DYNC2I1: variants seen among roughly 807,000 people sequenced by gnomAD.
DYNC2I1 encodes dynein 2 intermediate chain 1.
Under a neutral mutation model 133.4 loss-of-function variants are expected in DYNC2I1, and 89 were observed. The ratio of observed to expected loss-of-function variants is 0.67; its 90% confidence interval spans 0.56 to 0.80. The LOEUF (loss-of-function observed/expected upper bound fraction) is 0.80, where lower values mean the gene tolerates loss of function less well. Ranked by LOEUF, DYNC2I1 falls within the 30% of genes least tolerant of loss-of-function variation. The pLI, the probability that DYNC2I1 is intolerant of heterozygous loss-of-function variation, is 0.00. For missense variants in DYNC2I1, 1,291 were observed against 1,314.5 expected (o/e 0.98, Z 0.28); for synonymous variants, 504 against 484.3 (o/e 1.04, Z -0.54).
At chr7:158,899,210 G>A (rs1015469060) in intron 8 of DYNC2I1, among the ~76,000 whole-genome samples, 5 of 152,026 alleles carry the variant, frequency 3.3e-5, no homozygotes, top group African/African-American at 9.7e-5. Flanking sequence ...TTGTTATACT[G>A]TATTTTAAAA....
At chr7:158,861,454 C>G (rs1453156736) in intron 1 of DYNC2I1, among the ~76,000 whole-genome samples, 1 of 152,194 alleles carries the variant, frequency 6.6e-6, no homozygotes, top group South Asian at 2.1e-4. Context: ...TGTTTCCCGT[C>G]CCGCCTGCAG....
chr7:158,860,135 A>G (rs1234287578), intron 1 of DYNC2I1, among the ~76,000 whole-genome samples: 2 of 150,282 alleles, frequency 1.3e-5, no homozygotes, highest in Non-Finnish European at 3.0e-5. Flanking sequence ...AGCTCACTCC[A>G]TTCTCTGCCT....
At chr7:158,856,469 GGCC>G, upstream of DYNC2I1, 1 of 378,732 alleles carries the variant, frequency 2.6e-6, no homozygotes, top group Non-Finnish European at 4.7e-6. Context: ...CATTGGGAGG[GGCC>G]GCGGGCACGC....
rs369170471 is a variant in DYNC2I1, at chr7:158,871,232, G to T, written c.160G>T (p.Glu54Ter). ...ESEMDLPEHK[E>*]PRCRDPDQDA... Reference sequence around the variant, plus strand: ...TGAGATGGACCTTCCTGAACATAAGGAGCCGAGGTGCAGGGATCCCGACCA... The same window carrying T: ...TGAGATGGACCTTCCTGAACATAAGTAGCCGAGGTGCAGGGATCCCGACCA... The change falls in exon 3 of 25, where the codon GAG (glutamate) becomes TAG (stop). Residue 54 changes from glutamate (E) to a stop codon, truncating the protein, a stop_gained. Transcript: ENST00000407559. LOFTEE classifies it high-confidence loss of function. 9.3e-6 allele frequency: 15 copies of T among 1,613,116 alleles called. No homozygotes were observed. The highest frequency in any genetic ancestry group is 1.3e-5 in the Non-Finnish European group (15 of 1,179,510).
At chr7:158,900,665 T>G (rs1270863073) in intron 8 of DYNC2I1, among the ~76,000 whole-genome samples, 1 of 151,964 alleles carries the variant, frequency 6.6e-6, no homozygotes, top group African/African-American at 2.4e-5. Flanking sequence ...TCTCTTCTTC[T>G]GCCATCCCCA....
downstream of DYNC2I1, among the ~76,000 whole-genome samples, chr7:158,948,443 C>T (rs1851954713): frequency 1.3e-5 from 2 of 152,220 alleles, no homozygotes; most frequent in South Asian, 2.1e-4. Context: ...TAAATTAAAA[C>T]GTTCGTTACC....
chr7:158,891,293 G>A lies in DYNC2I1; in HGVS notation c.1019G>A (p.Trp340Ter). The A allele has an allele frequency of 1.2e-6, 2 of 1,614,046 alleles. No homozygotes were observed. The change falls in exon 8 of 25, where the codon TGG becomes TAG. Residue 340 changes from tryptophan (W) to a stop codon, truncating the protein, a stop_gained. Coordinates refer to ENST00000407559, the MANE Select transcript of DYNC2I1 (RefSeq NM_018051.5). LOFTEE classifies it high-confidence loss of function. ...KHGHEEGSSV[W>*]WKLDQRPGGE... is the part of the protein sequence containing the mutation. The stretch of plus-strand genomic sequence containing the variant: ...GGCCACGAGGAAGGCTCTTCTGTGT[G>A]GTGGAAGCTGGACCAGAGGCCGGGA...
Position 158,945,856 on chromosome 7 carries a change from G to A in DYNC2I1, c.*77G>A. On this transcript the variant is annotated 3_prime_UTR_variant, in exon 25 of 25. Transcript: ENST00000407559. The surrounding 1 kb of genome is among the most constrained non-coding windows in gnomAD (Gnocchi z 4.1). ...ATAAGGTGGATAATTCTACATTTGT[G>A]TGCAAGTATATTTATGTATATAGAC... 7.3e-7 allele frequency: 1 copy of A among 1,368,374 alleles called. No homozygotes were observed. The allele number at this position is 1,368,374 out of a possible 1,614,324, so 84.8% of individuals were successfully genotyped here.
At chr7:158,947,736 T>C (rs1851932160), downstream of DYNC2I1, among the ~76,000 whole-genome samples, 1 of 152,208 alleles carries the variant, frequency 6.6e-6, no homozygotes, top group African/African-American at 2.4e-5. Flanking sequence ...CTGAAGCCCT[T>C]GCTCATGCTC....
At chr7:158,920,446 A>G (rs545054745) in intron 15 of DYNC2I1, among the ~76,000 whole-genome samples, 1 of 151,700 alleles carries the variant, frequency 6.6e-6, no homozygotes, top group East Asian at 1.9e-4. Flanking sequence ...GAACACGTGA[A>G]GTATGTGTGC....
intron 8 of DYNC2I1, among the ~76,000 whole-genome samples, chr7:158,901,372 C>T (rs1459565162): frequency 1.3e-5 from 2 of 152,330 alleles, no homozygotes; most frequent in South Asian, 2.1e-4. Context: ...GTGCTCACTA[C>T]AGCTACACTG....
At chr7:158,852,085 C>T (rs980870388), upstream of DYNC2I1, among the ~76,000 whole-genome samples, 1 of 152,012 alleles carries the variant, frequency 6.6e-6, no homozygotes, top group Admixed American at 6.6e-5. Context: ...CCTCTAGGGC[C>T]AGGGACCATA....
At chr7:158,916,557 G>A (rs1359220340) in intron 14 of DYNC2I1, among the ~76,000 whole-genome samples, 1 of 39,462 alleles carries the variant, frequency 2.5e-5, no homozygotes, top group Non-Finnish European at 5.6e-5. Context: ...GTGAAACGTC[G>A]ACACGCTGGT....
intron 23 of DYNC2I1, among the ~76,000 whole-genome samples, chr7:158,936,741 T>C (rs1416156750): frequency 6.6e-6 from 1 of 152,216 alleles, no homozygotes; most frequent in Admixed American, 6.5e-5. Context: ...ACAGGTCTTC[T>C]GAACACAAAC....
chr7:158,895,411 C>T (rs1399859538), intron 8 of DYNC2I1, among the ~76,000 whole-genome samples: 1 of 152,112 alleles, frequency 6.6e-6, no homozygotes, highest in African/African-American at 2.4e-5. Flanking sequence ...TTCATTGTAC[C>T]GTATTGCCAT....
intron 10 of DYNC2I1, 60 bp from the exon 11 acceptor site, chr7:158,905,929 T>G: frequency 7.4e-7 from 1 of 1,344,052 alleles, no homozygotes; most frequent in Non-Finnish European, 1.0e-6. Flanking sequence ...CTCCAGATAT[T>G]TTTTTGCTTG....
intron 8 of DYNC2I1, among the ~76,000 whole-genome samples, chr7:158,897,346 A>C (rs937187474): frequency 6.6e-6 from 1 of 152,224 alleles, no homozygotes; most frequent in Non-Finnish European, 1.5e-5. Context: ...ATTCACCAGT[A>C]TTAGTGCTTT....
chr7:158,860,856 G>A (rs944848541), intron 1 of DYNC2I1, among the ~76,000 whole-genome samples: 5 of 152,162 alleles, frequency 3.3e-5, no homozygotes, highest in Non-Finnish European at 5.9e-5. Context: ...GTGCAATGCC[G>A]TTTCATTCTG....
intron 20 of DYNC2I1, 71 bp from the exon 21 acceptor site, chr7:158,930,384 A>G: frequency 1.5e-6 from 2 of 1,311,466 alleles, no homozygotes; most frequent in Admixed American, 3.9e-5. Context: ...AAATGATTCC[A>G]GGCAACTATA....
Sources: allele counts gnomAD v4.1 joint callset (sites outside exome capture counted in the v4.1 genomes callset), GRCh38; gene constraint gnomAD v4.1.1; non-coding constraint Gnocchi (gnomAD v3.1); transcripts MANE v1.5; gene names NCBI Gene and HGNC (gene_info 2026-07-23, HGNC 2026-07-21).